The following NKAIN2 variants were observed in gnomAD, a reference collection of about 807,000 sequenced individuals.
NKAIN2 encodes the protein sodium/potassium-transporting ATPase subunit beta-1-interacting protein 2.
NKAIN2 carries 14 observed loss-of-function variants against 32.6 expected under a neutral mutation model. The observed-to-expected ratio is 0.43, with a 90% CI of 0.28 to 0.67. The LOEUF is 0.67. Ranked by LOEUF, NKAIN2 falls within the 30% of genes least tolerant of loss-of-function variation. The pLI is 0.17. For missense variants in NKAIN2, 198 were observed against 258.3 expected (o/e 0.77, Z 1.60); for synonymous variants, 80 against 87.2 (o/e 0.92, Z 0.46).
intron 1 of NKAIN2, among the ~76,000 whole-genome samples, chr6:124,258,310 G>A (rs888545571): frequency 1.6e-4 from 24 of 152,272 alleles, no homozygotes; most frequent in African/African-American, 5.5e-4. Flanking sequence ...TTTCCAGTGT[G>A]CCCTGTGACA....
At chr6:124,665,108 A>G (rs1772725948) in intron 4 of NKAIN2, among the ~76,000 whole-genome samples, 1 of 152,172 alleles carries the variant, frequency 6.6e-6, no homozygotes. Context: ...CTACAGATTC[A>G]ATGCAATGTT....
intron 3 of NKAIN2, among the ~76,000 whole-genome samples, chr6:124,594,236 A>T (rs1160746827): frequency 6.6e-6 from 1 of 152,226 alleles, no homozygotes; most frequent in Non-Finnish European, 1.5e-5. Flanking sequence ...TAAGTCATTA[A>T]ATTTATTCAA....
intron 4 of NKAIN2, among the ~76,000 whole-genome samples, chr6:124,661,098 G>C (rs748800362): frequency 4.6e-5 from 7 of 152,144 alleles, no homozygotes; most frequent in Non-Finnish European, 1.0e-4. Flanking sequence ...CAGGACCTCT[G>C]ACCTTGAGGC....
chr6:124,266,219 T>G (rs1270719418), intron 1 of NKAIN2, among the ~76,000 whole-genome samples: 1 of 152,170 alleles, frequency 6.6e-6, no homozygotes, highest in African/African-American at 2.4e-5. Context: ...TTCTCTAAAA[T>G]TTTTGGAGTA....
intron 4 of NKAIN2, among the ~76,000 whole-genome samples, chr6:124,790,468 G>T (rs1195158980): frequency 1.3e-5 from 2 of 152,090 alleles, no homozygotes; most frequent in South Asian, 4.2e-4. Context: ...AAATGTCATT[G>T]TGAATAATCT....
chr6:124,824,885 T>C lies in NKAIN2; in HGVS notation c.*1656T>C, dbSNP rs1479281475. 6.6e-6 allele frequency: 1 copy of C among 152,348 alleles called. No homozygotes were observed. The highest frequency in any genetic ancestry group is 1.5e-5 in the Non-Finnish European group (1 of 68,042). The allele number at this position is 152,348 out of a possible 1,614,324, so 9.4% of individuals were successfully genotyped here. On this transcript the variant is annotated 3_prime_UTR_variant, in exon 7 of 7. Transcript: ENST00000368417. ...TGGATGTCTGTAATATACACACACA[T>C]ATACATTTGAAAATGATAGAGGAAC...
chr6:124,187,827 A>G (rs1159431919), intron 1 of NKAIN2, among the ~76,000 whole-genome samples: 1 of 152,076 alleles, frequency 6.6e-6, no homozygotes, highest in Non-Finnish European at 1.5e-5. Flanking sequence ...AGCTGTTTTG[A>G]ATTCTTGCTC....
intron 1 of NKAIN2, among the ~76,000 whole-genome samples, chr6:124,055,086 C>G (rs2114842309): frequency 6.6e-6 from 1 of 152,004 alleles, no homozygotes; most frequent in Admixed American, 6.6e-5. Flanking sequence ...CCTAGATTGT[C>G]TTATATATTG....
chr6:124,307,243 A>G (rs1463159580), intron 2 of NKAIN2, among the ~76,000 whole-genome samples: 1 of 152,338 alleles, frequency 6.6e-6, no homozygotes. Flanking sequence ...TGAGATAGCC[A>G]ACAGATATTT....
intron 4 of NKAIN2, among the ~76,000 whole-genome samples, chr6:124,733,128 A>G (rs1183400930): frequency 6.6e-6 from 1 of 151,688 alleles, no homozygotes. Context: ...TAGCGACAGT[A>G]AAATATCAGT....
chr6:124,537,657 C>T (rs1315353038), intron 3 of NKAIN2, among the ~76,000 whole-genome samples: 1 of 152,076 alleles, frequency 6.6e-6, no homozygotes, highest in East Asian at 1.9e-4. Context: ...GTGAACTTGT[C>T]AATTGCTTTG....
intron 1 of NKAIN2, among the ~76,000 whole-genome samples, chr6:124,097,902 A>G (rs925190493): frequency 1.3e-5 from 2 of 152,218 alleles, no homozygotes; most frequent in Non-Finnish European, 2.9e-5. Flanking sequence ...CTGCAGAGCC[A>G]ACATTTACGC....
intron 3 of NKAIN2, among the ~76,000 whole-genome samples, chr6:124,385,387 C>G (rs902234853): frequency 6.6e-6 from 1 of 151,974 alleles, no homozygotes; most frequent in Non-Finnish European, 1.5e-5. Context: ...CTTCTCCCCT[C>G]TAATGTCATT....
chr6:124,253,831 CTT>C (rs774924597), intron 1 of NKAIN2, among the ~76,000 whole-genome samples: 141 of 134,100 alleles, frequency 1.1e-3, no homozygotes, highest in African/African-American at 2.6e-3. Context: ...CAATGTTCTA[CTT>C]TTTTTTTTTT....
intron 1 of NKAIN2, among the ~76,000 whole-genome samples, chr6:124,179,957 G>A (rs1789354350): frequency 1.3e-5 from 2 of 151,758 alleles, no homozygotes; most frequent in African/African-American, 4.8e-5. Flanking sequence ...AGAGGAGCAA[G>A]AGATTTAGAT....
intron 2 of NKAIN2, among the ~76,000 whole-genome samples, chr6:124,292,970 AC>A (rs1200669999): frequency 6.6e-6 from 1 of 152,016 alleles, no homozygotes; most frequent in African/African-American, 2.4e-5. Context: ...AAAACAATCT[AC>A]CCCTTGTCTC....
At chr6:124,258,349 T>G (rs1394521293) in intron 1 of NKAIN2, among the ~76,000 whole-genome samples, 1 of 152,152 alleles carries the variant, frequency 6.6e-6, no homozygotes, top group Non-Finnish European at 1.5e-5. Flanking sequence ...GAACTTAAAT[T>G]ATGGAGGTGA....
chr6:124,265,140 A>G (rs1386718459), intron 1 of NKAIN2, among the ~76,000 whole-genome samples: 1 of 152,132 alleles, frequency 6.6e-6, no homozygotes, highest in Non-Finnish European at 1.5e-5. Flanking sequence ...TGAGACCTAT[A>G]GCATTTGTTT....
At chr6:124,125,863 A>G (rs191092496) in intron 1 of NKAIN2, among the ~76,000 whole-genome samples, 1 of 152,036 alleles carries the variant, frequency 6.6e-6, no homozygotes, top group Non-Finnish European at 1.5e-5. Flanking sequence ...TCCCCTGACA[A>G]CACTGCATTC....
Sources: allele counts gnomAD v4.1 joint callset (sites outside exome capture counted in the v4.1 genomes callset), GRCh38; gene constraint gnomAD v4.1.1; transcripts MANE v1.5; gene names NCBI Gene and HGNC (gene_info 2026-07-23, HGNC 2026-07-21).